The following RABGAP1L variants were observed in gnomAD, a reference collection of about 807,000 sequenced individuals.
RABGAP1L encodes the protein rab GTPase-activating protein 1-like.
A neutral mutation model predicts 137.7 loss-of-function variants in RABGAP1L; 63 were observed. The ratio of observed to expected loss-of-function variants is 0.46; its 90% CI spans 0.37 to 0.56. RABGAP1L has a LOEUF of 0.56. Ranked by LOEUF, RABGAP1L falls within the 20% of genes least tolerant of loss-of-function variation. The pLI, the probability that RABGAP1L is intolerant of heterozygous loss-of-function variation, is 0.00. For missense variants in RABGAP1L, 1,095 were observed against 1,244.0 expected (o/e 0.88, Z 1.80); for synonymous variants, 431 against 433.7 (o/e 0.99, Z 0.08).
intron 13 of RABGAP1L, among the ~76,000 whole-genome samples, chr1:174,559,675 G>C (rs1667086089): frequency 6.6e-6 from 1 of 152,144 alleles, no homozygotes; most frequent in African/African-American, 2.4e-5. Flanking sequence ...TTTCCTAAAT[G>C]GTCAGTTCTT....
rs116255804 is a variant in RABGAP1L, at chr1:174,344,044, C to G, written c.1466-26935C>G. 9.3e-3 allele frequency among the ~76,000 whole-genome samples: 1,415 copies of G among 152,236 alleles called. 27 individuals carry two copies. The highest frequency in any genetic ancestry group is 0.033 in the African/African-American group (1,362 of 41,528). Reference sequence around the variant, plus strand: ...TTTACTTGGTGTGGTGGCAATAAATCAAATCAAAATGTAGTGCCATTAGAG... The same window carrying G: ...TTTACTTGGTGTGGTGGCAATAAATGAAATCAAAATGTAGTGCCATTAGAG... On this transcript the variant is annotated intron_variant, in intron 11 of 25. Transcript: ENST00000681986.
intron 17 of RABGAP1L, among the ~76,000 whole-genome samples, chr1:174,706,360 A>G (rs1260993095): frequency 6.6e-6 from 1 of 152,208 alleles, no homozygotes; most frequent in Non-Finnish European, 1.5e-5. Flanking sequence ...GAGTTTAAAA[A>G]TACATTTTCT....
chr1:174,793,330 C>CTT (rs914990621), intron 18 of RABGAP1L, among the ~76,000 whole-genome samples: 3 of 152,132 alleles, frequency 2.0e-5, no homozygotes, highest in African/African-American at 7.2e-5. Flanking sequence ...GAAAGTTCTC[C>CTT]TTTCTATTTA....
chr1:174,731,529 G>T (rs1682475291), intron 17 of RABGAP1L, among the ~76,000 whole-genome samples: 1 of 151,890 alleles, frequency 6.6e-6, no homozygotes, highest in African/African-American at 2.4e-5. Flanking sequence ...TTTTTTTCTA[G>T]TGGATAATCT....
chr1:174,806,921 G>C (rs1437632191), intron 18 of RABGAP1L, among the ~76,000 whole-genome samples: 1 of 152,158 alleles, frequency 6.6e-6, no homozygotes. Flanking sequence ...GAATATCTGG[G>C]ATTACAGGCG....
intron 19 of RABGAP1L, among the ~76,000 whole-genome samples, chr1:174,866,922 T>A (rs573436575): frequency 2.1e-4 from 31 of 149,554 alleles, no homozygotes; most frequent in African/African-American, 7.8e-4. Context: ...AAAAAAAAAT[T>A]TTTTTTTTTA....
chr1:174,981,580 T>TTTTTTTG (rs1671126778), intron 23 of RABGAP1L, among the ~76,000 whole-genome samples: 1 of 112,892 alleles, frequency 8.9e-6, no homozygotes, highest in African/African-American at 3.2e-5. Flanking sequence ...TTTTTTTTTT[T>TTTTTTTG]TGTGAGGCAA....
chr1:174,389,101 T>C (rs191400862), intron 12 of RABGAP1L, among the ~76,000 whole-genome samples: 53 of 152,244 alleles, frequency 3.5e-4, no homozygotes, highest in African/African-American at 1.2e-3. Context: ...AGTGGGAAAA[T>C]GTATTCTGAA....
At chr1:174,453,633 C>A (rs1426722430) in intron 13 of RABGAP1L, among the ~76,000 whole-genome samples, 1 of 152,070 alleles carries the variant, frequency 6.6e-6, no homozygotes, top group Admixed American at 6.5e-5. Flanking sequence ...AAAAGATGCT[C>A]TTTTCCTTGA....
intron 22 of RABGAP1L, among the ~76,000 whole-genome samples, chr1:174,977,617 A>G (rs1670759349): frequency 6.6e-6 from 1 of 152,140 alleles, no homozygotes; most frequent in Middle Eastern, 3.2e-3. Context: ...AACTGTTTTA[A>G]TCATTATGGT....
At chr1:174,813,699 A>G (rs1208324995) in intron 19 of RABGAP1L, among the ~76,000 whole-genome samples, 1 of 148,052 alleles carries the variant, frequency 6.8e-6, no homozygotes, top group Non-Finnish European at 1.5e-5. Context: ...TAAAGCCTTC[A>G]CGACTGATTG....
chr1:174,602,917 C>T (rs1670522841), intron 13 of RABGAP1L, among the ~76,000 whole-genome samples: 1 of 152,152 alleles, frequency 6.6e-6, no homozygotes, highest in Admixed American at 6.5e-5. Flanking sequence ...TGAAAAGCCA[C>T]TATCTCTGTT....
chr1:174,409,790 CAGGCTTA>C (rs1649697748), intron 13 of RABGAP1L, among the ~76,000 whole-genome samples: 1 of 152,144 alleles, frequency 6.6e-6, no homozygotes, highest in South Asian at 2.1e-4. Flanking sequence ...GCCGTACCCT[CAGGCTTA>C]CTAGGATTGG....
chr1:174,854,407 A>G (rs921065990), intron 19 of RABGAP1L, among the ~76,000 whole-genome samples: 9 of 152,126 alleles, frequency 5.9e-5, no homozygotes, highest in Non-Finnish European at 2.9e-5. Context: ...GAAATGCCTT[A>G]CTGTGTTTTA....
At chr1:174,678,229 A>G (rs1677783531) in intron 14 of RABGAP1L, among the ~76,000 whole-genome samples, 1 of 152,204 alleles carries the variant, frequency 6.6e-6, no homozygotes, top group Admixed American at 6.5e-5. Flanking sequence ...TATTTCCACT[A>G]AAGAAATTTA....
intron 11 of RABGAP1L, among the ~76,000 whole-genome samples, chr1:174,346,741 A>G (rs1396163924): frequency 1.3e-5 from 2 of 148,984 alleles, no homozygotes; most frequent in Non-Finnish European, 3.0e-5. Flanking sequence ...TGTGATATTT[A>G]TTATTTCTTT....
chr1:174,986,373 C>T (rs1375116173), intron 24 of RABGAP1L, among the ~76,000 whole-genome samples: 2 of 152,172 alleles, frequency 1.3e-5, no homozygotes, highest in Non-Finnish European at 2.9e-5. Flanking sequence ...TCTAAGCAGC[C>T]TTTTTAGAAG....
At chr1:174,816,870 A>G (rs1690479513) in intron 19 of RABGAP1L, among the ~76,000 whole-genome samples, 1 of 151,726 alleles carries the variant, frequency 6.6e-6, no homozygotes, top group South Asian at 2.1e-4. Context: ...AGCTGGGACT[A>G]CAGGCGTGCG....
At chr1:174,369,331 A>G (rs1219054137) in intron 11 of RABGAP1L, among the ~76,000 whole-genome samples, 2 of 152,172 alleles carry the variant, frequency 1.3e-5, no homozygotes, top group Non-Finnish European at 2.9e-5. Flanking sequence ...CTGGGACTAT[A>G]GGAGTACGCC....
Sources: gnomAD v4.1 joint callset for allele counts (sites outside exome capture counted in the v4.1 genomes callset) on GRCh38, gnomAD v4.1.1 for gene constraint, MANE v1.5 for transcripts, NCBI Gene and HGNC (gene_info 2026-07-23, HGNC 2026-07-21) for gene names.